Variants in SYT1 observed in about 807,000 individuals in gnomAD.
SYT1 encodes synaptotagmin-1.
SYT1 carries 8 observed loss-of-function variants against 44.8 expected under a neutral mutation model. The observed-to-expected ratio is 0.18, with a 90% CI of 0.10 to 0.32. The LOEUF (loss-of-function observed/expected upper bound fraction) is 0.32. SYT1 is among the 10% of genes least tolerant of loss of function. SYT1 has a pLI of 1.00. For missense variants in SYT1, 286 were observed against 509.3 expected (o/e 0.56, Z 4.22); for synonymous variants, 154 against 188.8 (o/e 0.82, Z 1.51).
At chr12:79,164,845 C>T (rs1244311291) in intron 3 of SYT1, among the ~76,000 whole-genome samples, 3 of 151,956 alleles carry the variant, frequency 2.0e-5, no homozygotes, top group African/African-American at 4.8e-5. Flanking sequence ...GTAGACAGAA[C>T]CCGGCGGATA....
intron 3 of SYT1, among the ~76,000 whole-genome samples, chr12:79,057,765 C>T (rs1392222788): frequency 1.3e-5 from 2 of 151,786 alleles, no homozygotes; most frequent in African/African-American, 4.8e-5. Context: ...TCTGGTTGGG[C>T]CAGTAAAACC....
chr12:79,312,343 C>T (rs1419399372), intron 8 of SYT1, among the ~76,000 whole-genome samples: 2 of 152,146 alleles, frequency 1.3e-5, no homozygotes, highest in African/African-American at 4.8e-5. Context: ...TGTATTCGTA[C>T]TTATCAGAAA....
intron 3 of SYT1, among the ~76,000 whole-genome samples, chr12:79,090,112 A>G (rs187883454): frequency 6.6e-6 from 1 of 152,014 alleles, no homozygotes; most frequent in East Asian, 1.9e-4. Flanking sequence ...TATTTACTAT[A>G]CCTCCTGCTT....
At chr12:79,413,792 CA>C (rs1241767977) in intron 9 of SYT1, among the ~76,000 whole-genome samples, 1 of 152,090 alleles carries the variant, frequency 6.6e-6, no homozygotes, top group Non-Finnish European at 1.5e-5. Flanking sequence ...GTTAGATTAT[CA>C]GGACAAAACT....
At chr12:78,877,671 A>AT (rs35590187) in intron 1 of SYT1, among the ~76,000 whole-genome samples, 80,871 of 151,172 alleles carry the variant, frequency 0.53, 21,779 homozygotes, top group Middle Eastern at 0.56. Flanking sequence ...AACAGCCTGT[A>AT]TTTTTTTTCC....
intron 9 of SYT1, among the ~76,000 whole-genome samples, chr12:79,426,621 A>G (rs976657030): frequency 1.3e-5 from 2 of 152,208 alleles, no homozygotes; most frequent in African/African-American, 2.4e-5. Context: ...ATAATCTAAT[A>G]TTGATAACCT....
intron 2 of SYT1, among the ~76,000 whole-genome samples, chr12:79,039,913 A>G (rs538713386): frequency 1.1e-3 from 158 of 143,472 alleles, no homozygotes; most frequent in Non-Finnish European, 1.4e-3. Context: ...GAGAATGATG[A>G]TTTCCAATTT....
At chr12:79,041,793 C>A (rs1277574715) in intron 2 of SYT1, among the ~76,000 whole-genome samples, 1 of 151,322 alleles carries the variant, frequency 6.6e-6, no homozygotes, top group African/African-American at 2.4e-5. Context: ...TTTTGAAATA[C>A]GTCCCATCAA....
chr12:79,261,911 A>G (rs1053669214), intron 4 of SYT1, among the ~76,000 whole-genome samples: 1 of 152,194 alleles, frequency 6.6e-6, no homozygotes, highest in Non-Finnish European at 1.5e-5. Context: ...ATTATAATTA[A>G]TGTTTTATTA....
chr12:79,233,908 T>C (rs1592879894), intron 4 of SYT1, among the ~76,000 whole-genome samples: 1 of 152,320 alleles, frequency 6.6e-6, no homozygotes, highest in East Asian at 1.9e-4. Context: ...GCTGTTATCT[T>C]CCATTGGAGA....
rs369041522 is a variant in SYT1 at position 79,361,111 on chromosome 12, T to C, written c.928+7492T>C. On this transcript the variant is annotated intron_variant, in intron 9 of 10. Transcript: ENST00000261205. ...TCAACAAACATCATGTGAAAACTCC[T>C]CTGTGCCAGGCACCATGCCAGTCCT... 4.6e-5 allele frequency among the ~76,000 whole-genome samples: 7 copies of C among 152,336 alleles called. 1 individual carries two copies. The highest frequency in any genetic ancestry group is 3.3e-4 in the Admixed American group (5 of 15,300).
intron 4 of SYT1, among the ~76,000 whole-genome samples, chr12:79,221,144 G>C (rs954465787): frequency 6.6e-6 from 1 of 152,146 alleles, no homozygotes; most frequent in Non-Finnish European, 1.5e-5. Context: ...ATATTCTCTT[G>C]CTGAATTTTG....
intron 1 of SYT1, among the ~76,000 whole-genome samples, chr12:78,892,063 GA>G (rs1172982121): frequency 6.6e-6 from 1 of 151,624 alleles, no homozygotes; most frequent in African/African-American, 2.4e-5. Flanking sequence ...CTTATGAATT[GA>G]GGGTCAAGTT....
chr12:79,233,236 A>G (rs891391097), intron 4 of SYT1, among the ~76,000 whole-genome samples: 1 of 152,158 alleles, frequency 6.6e-6, no homozygotes, highest in Non-Finnish European at 1.5e-5. Context: ...TGATAGCTTC[A>G]TCTTTTTGTT....
intron 9 of SYT1, among the ~76,000 whole-genome samples, chr12:79,433,814 CA>C (rs1234726723): frequency 6.6e-6 from 1 of 152,140 alleles, no homozygotes; most frequent in African/African-American, 2.4e-5. Flanking sequence ...AAAATCTGAA[CA>C]AAAAACATCC....
intron 1 of SYT1, among the ~76,000 whole-genome samples, chr12:78,930,392 TTCAA>T: frequency 6.6e-6 from 1 of 151,964 alleles, no homozygotes; most frequent in Admixed American, 6.6e-5. Flanking sequence ...GTAATACATT[TTCAA>T]TCAAAGTAAA....
chr12:78,936,664 C>A (rs1354746286), intron 1 of SYT1, among the ~76,000 whole-genome samples: 1 of 151,736 alleles, frequency 6.6e-6, no homozygotes, highest in African/African-American at 2.4e-5. Context: ...TGACTTTAAC[C>A]GAGTTTGGCA....
At position 79,449,389 on chromosome 12, in the gene SYT1, A is replaced by G. The variant is rs1483778321; in HGVS notation, c.*265A>G. 6 of 455,204 alleles carry G rather than the reference A, an allele frequency of 1.3e-5. No individual in the cohort carries two copies. The highest frequency in any genetic ancestry group is 2.0e-5 in the Non-Finnish European group (5 of 250,724). The allele number at this position is 455,204 out of a possible 1,614,324, so 28.2% of individuals were successfully genotyped here. ...CATGAATGAAATTATTTATTGTATC[A>G]CACTGTTGTATATACCAGTATGCTA... On this transcript the variant is annotated 3_prime_UTR_variant, in exon 11 of 11. Coordinates refer to ENST00000261205, the MANE Select transcript of SYT1 (RefSeq NM_005639.3).
chr12:78,874,316 CAGA>C (rs1873958903), intron 1 of SYT1, among the ~76,000 whole-genome samples: 1 of 151,436 alleles, frequency 6.6e-6, no homozygotes, highest in Non-Finnish European at 1.5e-5. Context: ...TCATAAATGT[CAGA>C]AGAAGAGAAT....
Sources: allele counts gnomAD v4.1 joint callset (sites outside exome capture counted in the v4.1 genomes callset), GRCh38; gene constraint gnomAD v4.1.1; transcripts MANE v1.5; gene names NCBI Gene and HGNC (gene_info 2026-07-23, HGNC 2026-07-21).